The following MACROD2 variants were observed in gnomAD, a reference collection of about 807,000 sequenced individuals.
The protein encoded by MACROD2 is ADP-ribose glycohydrolase MACROD2.
A neutral mutation model predicts 70.4 loss-of-function variants in MACROD2; 36 were observed. The ratio of observed to expected loss-of-function variants is 0.51; its 90% CI spans 0.39 to 0.68. The LOEUF (loss-of-function observed/expected upper bound fraction) is 0.68, where lower values mean the gene tolerates loss of function less well. Among genes scored for constraint, MACROD2 ranks in the 30% least tolerant of loss-of-function variants. The pLI is 0.00. For missense variants in MACROD2, 496 were observed against 538.4 expected (o/e 0.92, Z 0.78); for synonymous variants, 172 against 178.8 (o/e 0.96, Z 0.30).
At chr20:15,120,214 T>C (rs1315321869) in intron 5 of MACROD2, among the ~76,000 whole-genome samples, 1 of 152,198 alleles carries the variant, frequency 6.6e-6, no homozygotes, top group Non-Finnish European at 1.5e-5. Flanking sequence ...GTACATGTTA[T>C]TCTTTGTCAT....
At chr20:15,856,190 A>C (rs976171216) in intron 8 of MACROD2, among the ~76,000 whole-genome samples, 3 of 152,216 alleles carry the variant, frequency 2.0e-5, no homozygotes, top group African/African-American at 7.2e-5. Flanking sequence ...TCTTATATCA[A>C]GTATAAGACA....
rs555977716 is a variant in MACROD2, at chr20:14,007,337, T to A, written c.163+4933T>A. ...ACAGGTGACCAAAGAGTCCTTTTTTTAAAATTTTTGACTATCATTTTCAAT... is the reference window on the plus strand; with the variant it reads ...ACAGGTGACCAAAGAGTCCTTTTTTAAAAATTTTTGACTATCATTTTCAAT... On this transcript the variant is annotated intron_variant, in intron 2 of 17. Transcript: ENST00000684519. 2.6e-3 allele frequency among the ~76,000 whole-genome samples: 400 copies of A among 152,322 alleles called. 3 individuals are homozygous for A. The highest frequency in any genetic ancestry group is 6.8e-3 in the Middle Eastern group (2 of 294).
In MACROD2 at chr20:14,250,777, A is replaced by C. The variant is rs1433434298; in HGVS notation, c.271+165049A>C. On this transcript the variant is annotated intron_variant, in intron 3 of 17. Coordinates refer to ENST00000684519, the MANE Select transcript of MACROD2 (RefSeq NM_001351661.2). The stretch of plus-strand genomic sequence containing the variant: ...TAATAACAGTAATGACAATAATAAT[A>C]ATAATGTCAACCTTTTTGCCAAAGA... Among the ~76,000 whole-genome samples the C allele has an allele frequency of 2.6e-5, 4 of 152,316 alleles. No homozygotes were observed. In the East Asian group the frequency reaches 7.7e-4, roughly 29 times the overall value.
At chr20:14,631,451 A>G (rs1245331015) in intron 4 of MACROD2, among the ~76,000 whole-genome samples, 5 of 152,196 alleles carry the variant, frequency 3.3e-5, no homozygotes, top group South Asian at 2.1e-4. Flanking sequence ...TTAGAATTCA[A>G]TAAAAGCCTA....
At chr20:15,209,524 C>A (rs1241642581) in intron 5 of MACROD2, among the ~76,000 whole-genome samples, 7 of 152,146 alleles carry the variant, frequency 4.6e-5, no homozygotes. Context: ...TCATCTTATT[C>A]TCTTTGTACA....
chr20:14,361,788 T>G (rs1189707379), intron 3 of MACROD2, among the ~76,000 whole-genome samples: 2 of 152,198 alleles, frequency 1.3e-5, no homozygotes, highest in Non-Finnish European at 2.9e-5. Context: ...CAATAGCTGA[T>G]GTGGCACCCA....
chr20:14,241,100 A>G (rs1400370657), intron 3 of MACROD2, among the ~76,000 whole-genome samples: 2 of 152,192 alleles, frequency 1.3e-5, no homozygotes, highest in African/African-American at 4.8e-5. Context: ...TGGGTGACAG[A>G]GTGAGACTCC....
At chr20:14,090,962 T>C (rs959307066) in intron 3 of MACROD2, among the ~76,000 whole-genome samples, 1 of 152,162 alleles carries the variant, frequency 6.6e-6, no homozygotes, top group African/African-American at 2.4e-5. Context: ...TGATATCTCA[T>C]TGTGGTTTCC....
At chr20:15,224,560 T>C (rs2076888997) in intron 5 of MACROD2, among the ~76,000 whole-genome samples, 1 of 152,230 alleles carries the variant, frequency 6.6e-6, no homozygotes, top group Non-Finnish European at 1.5e-5. Context: ...TACATAGTCT[T>C]TTCTTAATCT....
chr20:15,374,417 G>A lies in MACROD2; in HGVS notation c.541-56988G>A, dbSNP rs189235381. Reference sequence around the variant, plus strand: ...TATGTGTATATATAGTCTTATGGTCGCCAAATTCTCTTTTCTATTTTTCAA... The same window carrying A: ...TATGTGTATATATAGTCTTATGGTCACCAAATTCTCTTTTCTATTTTTCAA... On this transcript the variant is annotated intron_variant, in intron 6 of 17. Transcript: ENST00000684519. Among the ~76,000 whole-genome samples, 19 of 151,738 alleles carry A rather than the reference G, an allele frequency of 1.3e-4. No homozygotes were observed. In the East Asian group the frequency reaches 3.5e-3, roughly 28 times the overall value.
chr20:15,618,123 G>C (rs924729149), intron 8 of MACROD2, among the ~76,000 whole-genome samples: 5 of 140,156 alleles, frequency 3.6e-5, no homozygotes, highest in Non-Finnish European at 7.8e-5. Flanking sequence ...TTTTTGGTGG[G>C]GTGTATTTCA....
At chr20:14,512,995 A>G (rs1431287050) in intron 4 of MACROD2, among the ~76,000 whole-genome samples, 2 of 152,116 alleles carry the variant, frequency 1.3e-5, no homozygotes, top group Admixed American at 1.3e-4. Context: ...GCCTGCTTTT[A>G]TCTTATACAT....
At chr20:15,387,143 C>T (rs918198305) in intron 6 of MACROD2, among the ~76,000 whole-genome samples, 1 of 152,090 alleles carries the variant, frequency 6.6e-6, no homozygotes, top group Non-Finnish European at 1.5e-5. Flanking sequence ...TACAGTTAGA[C>T]TTAGGAAAGA....
intron 8 of MACROD2, among the ~76,000 whole-genome samples, chr20:15,762,895 C>T (rs141286882): frequency 4.4e-4 from 67 of 152,244 alleles, no homozygotes; most frequent in Middle Eastern, 6.8e-3. Flanking sequence ...AGTGAGTGTA[C>T]GGGCACATGC....
chr20:14,763,373 G>T (rs1232955596), intron 5 of MACROD2, among the ~76,000 whole-genome samples: 2 of 152,100 alleles, frequency 1.3e-5, no homozygotes, highest in African/African-American at 2.4e-5. Context: ...GATGGATTTG[G>T]ATTTCTAAAA....
At chr20:14,163,631 G>A (rs895642746) in intron 3 of MACROD2, among the ~76,000 whole-genome samples, 1 of 151,552 alleles carries the variant, frequency 6.6e-6, no homozygotes, top group African/African-American at 2.4e-5. Context: ...TCTAGGCTTT[G>A]CTCATTCTTT....
At chr20:15,491,975 C>G (rs987699960) in intron 7 of MACROD2, among the ~76,000 whole-genome samples, 2 of 152,258 alleles carry the variant, frequency 1.3e-5, no homozygotes, top group East Asian at 3.8e-4. Flanking sequence ...CAACTCCACT[C>G]TCTTAACGAC....
chr20:14,519,398 AG>A (rs2085139797), intron 4 of MACROD2, among the ~76,000 whole-genome samples: 1 of 152,132 alleles, frequency 6.6e-6, no homozygotes, highest in Non-Finnish European at 1.5e-5. Context: ...TGCACAAACT[AG>A]GGGGAAAAGG....
chr20:14,155,076 A>C (rs1039335828), intron 3 of MACROD2, among the ~76,000 whole-genome samples: 7 of 152,182 alleles, frequency 4.6e-5, no homozygotes, highest in Non-Finnish European at 1.0e-4. Flanking sequence ...TTTGAGTTAG[A>C]GTAAGAGTAC....
Sources: gnomAD v4.1 joint callset for allele counts (sites outside exome capture counted in the v4.1 genomes callset) on GRCh38, gnomAD v4.1.1 for gene constraint, MANE v1.5 for transcripts, NCBI Gene and HGNC (gene_info 2026-07-23, HGNC 2026-07-21) for gene names.